The following IL1RAPL1 variants were observed in gnomAD, a reference collection of about 807,000 sequenced individuals.
IL1RAPL1 encodes interleukin-1 receptor accessory protein-like 1.
In IL1RAPL1, 3 loss-of-function variants were observed where a neutral mutation model predicts 48.4. The observed-to-expected ratio is 0.06, with a 90% CI of 0.03 to 0.16. The LOEUF (loss-of-function observed/expected upper bound fraction) is 0.16, where lower values mean the gene tolerates loss of function less well. IL1RAPL1 is among the 10% of genes least tolerant of loss of function. IL1RAPL1 has a pLI of 1.00. For missense variants in IL1RAPL1, 349 were observed against 530.6 expected (o/e 0.66, Z 3.36); for synonymous variants, 185 against 187.7 (o/e 0.99, Z 0.12).
At chrX:29,338,599 C>T (rs774625069) in intron 3 of IL1RAPL1, among the ~76,000 whole-genome samples, 120 of 111,510 alleles carry the variant, frequency 1.1e-3, no homozygotes, top group Non-Finnish European at 1.2e-3. Context: ...GTGAGCACTC[C>T]AGTGGTAGGA....
chrX:29,361,192 T>C (rs1303170941), intron 3 of IL1RAPL1, among the ~76,000 whole-genome samples: 2 of 111,836 alleles, frequency 1.8e-5, no homozygotes, highest in Non-Finnish European at 3.8e-5. Flanking sequence ...GGAACAACTG[T>C]AGAGTATAGA....
chrX:29,133,824 G>T (rs1178770581), intron 2 of IL1RAPL1, among the ~76,000 whole-genome samples: 1 of 111,546 alleles, frequency 9.0e-6, no homozygotes, highest in Non-Finnish European at 1.9e-5. Context: ...AAAATTTCCT[G>T]TACTCCACTT....
intron 3 of IL1RAPL1, among the ~76,000 whole-genome samples, chrX:29,353,485 T>A (rs1462858637): frequency 9.0e-6 from 1 of 111,655 alleles, no homozygotes; most frequent in Non-Finnish European, 1.9e-5. Context: ...TAAAACTAAT[T>A]AGCAGATATT....
chrX:29,143,716 T>G (rs185023293), intron 2 of IL1RAPL1, among the ~76,000 whole-genome samples: 1 of 112,217 alleles, frequency 8.9e-6, no homozygotes, highest in Non-Finnish European at 1.9e-5. Context: ...TGATGGCATA[T>G]TGTTATAATT....
intron 6 of IL1RAPL1, among the ~76,000 whole-genome samples, chrX:29,815,686 G>A (rs989274744): frequency 1.8e-5 from 2 of 110,651 alleles, no homozygotes; most frequent in Non-Finnish European, 3.8e-5. Context: ...TCCAGCTTTT[G>A]CCTGTTAAGT....
chrX:29,663,462 A>G (rs1239788012), intron 5 of IL1RAPL1, among the ~76,000 whole-genome samples: 3 of 112,181 alleles, frequency 2.7e-5, no homozygotes, highest in African/African-American at 9.7e-5. Flanking sequence ...GAATGACTCT[A>G]TGTCTTACTC....
At chrX:29,247,001 A>G (rs1348977997) in intron 2 of IL1RAPL1, among the ~76,000 whole-genome samples, 1 of 112,227 alleles carries the variant, frequency 8.9e-6, no homozygotes, top group Non-Finnish European at 1.9e-5. Flanking sequence ...CCTATCCCAA[A>G]GATGTGAAAA....
At chrX:28,947,670 C>G (rs1431102646) in intron 2 of IL1RAPL1, among the ~76,000 whole-genome samples, 1 of 111,328 alleles carries the variant, frequency 9.0e-6, no homozygotes, top group Non-Finnish European at 1.9e-5. Context: ...TGTAACAAAC[C>G]TGCACGTTGT....
chrX:28,860,723 A>G (rs1921922574), intron 2 of IL1RAPL1, among the ~76,000 whole-genome samples: 1 of 110,662 alleles, frequency 9.0e-6, no homozygotes, highest in South Asian at 3.8e-4. Flanking sequence ...TAGCCTCCCA[A>G]AGTGCTGGGA....
chrX:28,754,570 A>C (rs1326621600), intron 1 of IL1RAPL1, among the ~76,000 whole-genome samples: 1 of 112,306 alleles, frequency 8.9e-6, no homozygotes, highest in Non-Finnish European at 1.9e-5. Flanking sequence ...GTTCACCTGC[A>C]CATAAATCTA....
At chrX:29,295,082 A>T (rs2147607414) in intron 3 of IL1RAPL1, among the ~76,000 whole-genome samples, 1 of 111,569 alleles carries the variant, frequency 9.0e-6, no homozygotes, top group Admixed American at 9.5e-5. Flanking sequence ...TAGAGTATTA[A>T]TGGTAGAAGT....
At chrX:29,474,195 T>G (rs1934950560) in intron 5 of IL1RAPL1, among the ~76,000 whole-genome samples, 1 of 112,284 alleles carries the variant, frequency 8.9e-6, no homozygotes, top group Non-Finnish European at 1.9e-5. Flanking sequence ...AACAGACAAT[T>G]AGAGTCAAGC....
chrX:29,570,784 A>C (rs745603398), intron 5 of IL1RAPL1, among the ~76,000 whole-genome samples: 1 of 112,330 alleles, frequency 8.9e-6, no homozygotes, highest in African/African-American at 3.2e-5. Context: ...ACATTGATTC[A>C]CTTGCCCACA....
chrX:28,913,823 G>A (rs1045689008), intron 2 of IL1RAPL1, among the ~76,000 whole-genome samples: 3 of 112,083 alleles, frequency 2.7e-5, no homozygotes, highest in African/African-American at 9.7e-5. Context: ...TCTAGTTGAA[G>A]TTCAGCTCTG....
chrX:28,649,616 C>G (rs1934660789), intron 1 of IL1RAPL1, among the ~76,000 whole-genome samples: 1 of 112,332 alleles, frequency 8.9e-6, no homozygotes, highest in Non-Finnish European at 1.9e-5. Flanking sequence ...TTATTTGCAT[C>G]TCTGGAAATA....
intron 1 of IL1RAPL1, among the ~76,000 whole-genome samples, chrX:28,706,845 C>G (rs1400724370): frequency 8.9e-6 from 1 of 111,964 alleles, no homozygotes; most frequent in African/African-American, 3.2e-5. Flanking sequence ...AATTATGTAC[C>G]AGATTTGCAA....
intron 6 of IL1RAPL1, among the ~76,000 whole-genome samples, chrX:29,721,973 T>C (rs943390074): frequency 2.7e-5 from 3 of 112,247 alleles, no homozygotes; most frequent in African/African-American, 9.7e-5. Context: ...GTTATGTTGA[T>C]TAGGTAAATT....
intron 6 of IL1RAPL1, among the ~76,000 whole-genome samples, chrX:29,677,018 A>G (rs185581431): frequency 2.7e-4 from 30 of 112,237 alleles, no homozygotes; most frequent in Non-Finnish European, 3.6e-4. Context: ...ACGTTGTAGA[A>G]TATTGAAAGA....
intron 6 of IL1RAPL1, among the ~76,000 whole-genome samples, chrX:29,682,813 G>C (rs1036087717): frequency 8.9e-6 from 1 of 112,014 alleles, no homozygotes; most frequent in Non-Finnish European, 1.9e-5. Context: ...CGCTAAAACT[G>C]TTGGTTTTGA....
Sources: allele counts gnomAD v4.1 joint callset (sites outside exome capture counted in the v4.1 genomes callset), GRCh38; gene constraint gnomAD v4.1.1; transcripts MANE v1.5; gene names NCBI Gene and HGNC (gene_info 2026-07-23, HGNC 2026-07-21).